The following FXN variants were observed in gnomAD, a reference collection of about 807,000 sequenced individuals.
FXN encodes frataxin, also known as frataxin, mitochondrial.
In FXN, 14 loss-of-function variants were observed where a neutral mutation model predicts 22.4. The ratio of observed to expected loss-of-function variants is 0.62; its 90% confidence interval spans 0.41 to 0.98. The LOEUF (loss-of-function observed/expected upper bound fraction) is 0.98, where lower values mean the gene tolerates loss of function less well. Among genes scored for constraint, FXN ranks in the 50% least tolerant of loss-of-function variants. The pLI, the probability that FXN is intolerant of heterozygous loss-of-function variation, is 0.00. For missense variants in FXN, 267 were observed against 268.4 expected (o/e 0.99, Z 0.04); for synonymous variants, 120 against 114.1 (o/e 1.05, Z -0.33).
intron 2 of FXN, 72 bp from the exon 3 acceptor site, chr9:69,053,068 A>T: frequency 1.4e-6 from 2 of 1,442,268 alleles, no homozygotes; most frequent in Non-Finnish European, 1.9e-6. Flanking sequence ...TAAATAACAA[A>T]TGTATAAATT....
At chr9:69,055,167 C>T (rs746404242) in intron 3 of FXN, among the ~76,000 whole-genome samples, 1 of 152,218 alleles carries the variant, frequency 6.6e-6, no homozygotes, top group Non-Finnish European at 1.5e-5. Context: ...AGTGCTTGCA[C>T]AGGCAGCCCT....
chr9:69,060,164 C>A (rs59987304), intron 3 of FXN, among the ~76,000 whole-genome samples: 1 of 152,054 alleles, frequency 6.6e-6, no homozygotes, highest in East Asian at 1.9e-4. Flanking sequence ...GTCAGGAGAT[C>A]GAGACCATTC....
intron 3 of FXN, 141 bp from the exon 4 acceptor site, chr9:69,064,797 C>G (rs1288136660): frequency 1.5e-6 from 1 of 676,754 alleles, no homozygotes; most frequent in African/African-American, 1.8e-5. Flanking sequence ...TTTCTAAATA[C>G]TAAAAGACAT....
intron 3 of FXN, among the ~76,000 whole-genome samples, chr9:69,055,362 C>T (rs1238486386): frequency 6.6e-6 from 1 of 152,166 alleles, no homozygotes; most frequent in Non-Finnish European, 1.5e-5. Flanking sequence ...TAGCAAGCTA[C>T]AAAAACAGTC....
intron 3 of FXN, among the ~76,000 whole-genome samples, chr9:69,053,515 A>AGATAGATAGCTG (rs1831898135): frequency 9.4e-6 from 1 of 106,382 alleles, no homozygotes; most frequent in East Asian, 3.0e-4. Context: ...ATGGATAGAT[A>AGATAGATAGCTG]GATAGATAGA....
At chr9:69,064,285 T>C (rs1832128648) in intron 3 of FXN, among the ~76,000 whole-genome samples, 1 of 152,244 alleles carries the variant, frequency 6.6e-6, no homozygotes, top group Non-Finnish European at 1.5e-5. Flanking sequence ...ATGCACCAAC[T>C]AGTCTTTTGA....
intron 2 of FXN, among the ~76,000 whole-genome samples, chr9:69,049,534 T>G (rs1268840036): frequency 6.6e-6 from 1 of 152,194 alleles, no homozygotes; most frequent in Non-Finnish European, 1.5e-5. Flanking sequence ...CCCTGGAAAC[T>G]TTCAGATAGT....
intron 1 of FXN, among the ~76,000 whole-genome samples, chr9:69,041,060 A>C (rs760115124): frequency 6.6e-6 from 1 of 152,186 alleles, no homozygotes; most frequent in Non-Finnish European, 1.5e-5. Context: ...ACAAATAACA[A>C]ATACTTGTAT....
At position 69,074,856 on chromosome 9, in the gene FXN, G is replaced by A; in HGVS notation, c.*2094G>A. 1 of 984,714 alleles carries A rather than the reference G, an allele frequency of 1.0e-6. No homozygotes were observed. The highest frequency in any genetic ancestry group is 1.2e-6 in the Non-Finnish European group (1 of 829,288). The allele number at this position is 984,714 out of a possible 1,614,324, so 61.0% of individuals were successfully genotyped here. On this transcript the variant is annotated 3_prime_UTR_variant, in exon 5 of 5. Coordinates refer to ENST00000484259, the MANE Select transcript of FXN (RefSeq NM_000144.5). ...TGATGGAAATGTTTAAGTGCAGTAGGCCAGTGCCAGTGAGAAAATAAATAA... is the reference window on the plus strand; with the variant it reads ...TGATGGAAATGTTTAAGTGCAGTAGACCAGTGCCAGTGAGAAAATAAATAA...
rs1564342956 is a variant in FXN, at chr9:69,076,231, TAA to T, written c.*3470_*3471del. On this transcript the variant is annotated 3_prime_UTR_variant, in exon 5 of 5. Coordinates refer to ENST00000484259, the MANE Select transcript of FXN (RefSeq NM_000144.5). ...AGTGGCCTCATGTTTTTTTTTTTTTTAATCTATAAAATGGAGATATCTAACAT... is the reference window on the plus strand; with the variant it reads ...AGTGGCCTCATGTTTTTTTTTTTTTTTCTATAAAATGGAGATATCTAACAT... 3 of 843,862 alleles carry T rather than the reference TAA, an allele frequency of 3.6e-6. No individual in the cohort carries two copies. Among genetic ancestry groups the T allele is most frequent in the Non-Finnish European group, 2.8e-6 (2 of 703,656 alleles). The allele number at this position is 843,862 out of a possible 1,614,324, so 52.3% of individuals were successfully genotyped here.
chr9:69,058,941 A>G (rs1290218763), intron 3 of FXN, among the ~76,000 whole-genome samples: 1 of 152,048 alleles, frequency 6.6e-6, no homozygotes, highest in Non-Finnish European at 1.5e-5. Context: ...GGTGGCAGGC[A>G]CCTGTAGTCC....
intron 2 of FXN, among the ~76,000 whole-genome samples, chr9:69,047,610 G>A (rs147964315): frequency 9.8e-5 from 15 of 152,294 alleles, no homozygotes; most frequent in African/African-American, 2.9e-4. Flanking sequence ...GCCCTCCTCC[G>A]GGGCAAGGAG....
At chr9:69,072,368 G>T (rs1832290661) in intron 4 of FXN, among the ~76,000 whole-genome samples, 1 of 152,222 alleles carries the variant, frequency 6.6e-6, no homozygotes, top group Non-Finnish European at 1.5e-5. Context: ...GATACCTGGA[G>T]ACTTATCAGT....
chr9:69,050,842 ACGT>A (rs1831836658), intron 2 of FXN, among the ~76,000 whole-genome samples: 1 of 149,508 alleles, frequency 6.7e-6, no homozygotes, highest in Non-Finnish European at 1.5e-5. Flanking sequence ...GCGCAATGGC[ACGT>A]CCTCTGCTCA....
intron 1 of FXN, among the ~76,000 whole-genome samples, chr9:69,039,265 A>AG (rs926313974): frequency 6.6e-6 from 1 of 152,210 alleles, no homozygotes; most frequent in African/African-American, 2.4e-5. Context: ...CAAAAAAAAA[A>AG]AAAAGGCTCC....
At chr9:69,062,190 C>T (rs1832086582) in intron 3 of FXN, among the ~76,000 whole-genome samples, 1 of 152,194 alleles carries the variant, frequency 6.6e-6, no homozygotes, top group Non-Finnish European at 1.5e-5. Context: ...CCGGTTATTG[C>T]AGCCTCAATC....
rs372947132 is a variant in FXN, at chr9:69,039,082, G to A, written c.165+3135G>A. ...AGCCTGGCCAACATGGTGAAACCCC[G>A]TCTCTACTAAAAATACAAAAATTAG... On this transcript the variant is annotated intron_variant, in intron 1 of 4. Transcript: ENST00000484259. Among the ~76,000 whole-genome samples, 14 of 151,536 alleles carry A rather than the reference G, an allele frequency of 9.2e-5. No individual in the cohort carries two copies. The South Asian group carries it at 1.5e-3, about 16-fold the overall frequency.
Position 69,075,719 on chromosome 9 carries a change from GA to G in FXN, c.*2961del. On this transcript the variant is annotated 3_prime_UTR_variant, in exon 5 of 5. Transcript: ENST00000484259. The stretch of plus-strand genomic sequence containing the variant: ...TGAGGAATTGCATAATACAATCTTA[GA>G]AAACTTTTTTTTCCCCTTTCTATTT... 1.0e-6 allele frequency: 1 copy of G among 985,108 alleles called. No homozygotes were observed. The highest frequency in any genetic ancestry group is 1.2e-6 in the Non-Finnish European group (1 of 829,688). The allele number at this position is 985,108 out of a possible 1,614,324, so 61.0% of individuals were successfully genotyped here.
rs1412522799 is a variant in FXN, at chr9:69,077,812, C to A, written c.*5050C>A. The A allele has an allele frequency of 3.3e-6, 2 of 606,938 alleles. No individual in the cohort carries two copies. The highest frequency in any genetic ancestry group is 4.0e-5 in the African/African-American group (2 of 49,578). The allele number at this position is 606,938 out of a possible 1,614,324, so 37.6% of individuals were successfully genotyped here. ...GGCCGTAGTGGCGCACGCCTGTTAT[C>A]CCAGCTACTCGGGAGGCTGAGGCAG... On this transcript the variant is annotated 3_prime_UTR_variant, in exon 5 of 5. Coordinates refer to ENST00000484259, the MANE Select transcript of FXN (RefSeq NM_000144.5).
Sources: allele counts gnomAD v4.1 joint callset (sites outside exome capture counted in the v4.1 genomes callset), GRCh38; gene constraint gnomAD v4.1.1; transcripts MANE v1.5; gene names NCBI Gene and HGNC (gene_info 2026-07-23, HGNC 2026-07-21).